CLNK: variants seen among roughly 807,000 people sequenced by gnomAD.
The protein encoded by CLNK is cytokine-dependent hematopoietic cell linker.
A neutral mutation model predicts 68.6 loss-of-function variants in CLNK; 74 were observed. The observed-to-expected ratio is 1.08, with a 90% CI of 0.89 to 1.31. The LOEUF (loss-of-function observed/expected upper bound fraction) is 1.31, where lower values mean the gene tolerates loss of function less well. Among genes scored for constraint, CLNK ranks in the 50% most tolerant of loss-of-function variants. The pLI is 0.00. For missense variants in CLNK, 553 were observed against 515.3 expected, an observed-to-expected ratio of 1.07 and a Z score of -0.71; for synonymous variants, 198 against 172.2, an observed-to-expected ratio of 1.15 and a Z score of -1.17.
intron 14 of CLNK, among the ~76,000 whole-genome samples, chr4:10,524,854 G>T (rs1718237227): frequency 6.6e-6 from 1 of 152,164 alleles, no homozygotes; most frequent in Non-Finnish European, 1.5e-5. Context: ...GTGTGTGCCA[G>T]TGCCATGCAT....
chr4:10,650,829 C>T (rs1183246130), intron 2 of CLNK, among the ~76,000 whole-genome samples: 2 of 151,756 alleles, frequency 1.3e-5, no homozygotes, highest in African/African-American at 4.8e-5. Flanking sequence ...CCAGAATCTA[C>T]AAGGAACTTA....
At chr4:10,584,509 G>T (rs1213371490) in intron 4 of CLNK, among the ~76,000 whole-genome samples, 1 of 152,216 alleles carries the variant, frequency 6.6e-6, no homozygotes, top group East Asian at 1.9e-4. Flanking sequence ...ATACAGGAGA[G>T]GCATCAAAGG....
chr4:10,701,050 T>C, the CLNK span, among the ~76,000 whole-genome samples: 1 of 131,742 alleles, frequency 7.6e-6, no homozygotes, highest in Admixed American at 7.4e-5. Context: ...TTTTGCTTAG[T>C]CAAATATCTC....
chr4:10,601,012 CT>C (rs1400870777), intron 2 of CLNK, among the ~76,000 whole-genome samples: 3 of 152,156 alleles, frequency 2.0e-5, no homozygotes, highest in African/African-American at 7.2e-5. Context: ...CAGCTTTGGC[CT>C]TTTTAACTTT....
chr4:10,513,645 G>T (rs372162774), intron 15 of CLNK, 48 bp from the exon 16 acceptor site: 406 of 1,543,186 alleles, frequency 2.6e-4, no homozygotes, highest in Non-Finnish European at 3.4e-4. Flanking sequence ...GACTGGTGCA[G>T]TCTGTCCCCC....
intron 8 of CLNK, among the ~76,000 whole-genome samples, chr4:10,548,696 G>A (rs571006695): frequency 7.2e-5 from 11 of 152,308 alleles, no homozygotes; most frequent in South Asian, 2.1e-4. Flanking sequence ...TGTGAGGAAC[G>A]TGGTCCTGCC....
intron 11 of CLNK, among the ~76,000 whole-genome samples, chr4:10,539,344 C>T (rs1718926776): frequency 6.6e-6 from 1 of 152,164 alleles, no homozygotes; most frequent in Non-Finnish European, 1.5e-5. Flanking sequence ...ACATTTTAGG[C>T]TATTTAATGT....
intron 2 of CLNK, chr4:10,598,715 A>G: frequency 2.3e-6 from 1 of 432,732 alleles, no homozygotes; most frequent in Non-Finnish European, 4.6e-6. Context: ...CATCATTGTT[A>G]TGCATTCCTA....
At chr4:10,592,131 C>T (rs1577152327) in intron 3 of CLNK, among the ~76,000 whole-genome samples, 3 of 152,254 alleles carry the variant, frequency 2.0e-5, no homozygotes, top group South Asian at 2.1e-4. Flanking sequence ...TAAATCTGGA[C>T]GATGACATAT....
At chr4:10,610,091 C>T (rs1389372075) in intron 2 of CLNK, among the ~76,000 whole-genome samples, 1 of 103,958 alleles carries the variant, frequency 9.6e-6, no homozygotes, top group Non-Finnish European at 1.7e-5. Flanking sequence ...GAGTCTCGTT[C>T]TGTCGCCCAG....
At chr4:10,670,181 A>T (rs4697775) in intron 1 of CLNK, among the ~76,000 whole-genome samples, 38,904 of 152,206 alleles carry the variant, frequency 0.26, 5,486 homozygotes, top group Non-Finnish European at 0.31. Context: ...ATATGCAATT[A>T]CTTGCATAGC....
chr4:10,607,629 C>A (rs1023167990), intron 2 of CLNK, among the ~76,000 whole-genome samples: 3 of 152,126 alleles, frequency 2.0e-5, no homozygotes, highest in Non-Finnish European at 4.4e-5. Context: ...GGAAATGGCT[C>A]AAATAGAAGA....
chr4:10,582,386 T>C (rs1196123667), intron 4 of CLNK, among the ~76,000 whole-genome samples: 1 of 152,230 alleles, frequency 6.6e-6, no homozygotes, highest in Non-Finnish European at 1.5e-5. Context: ...TAGAAAAACT[T>C]AAAAGTAGTA....
chr4:10,601,653 C>A (rs1004333812), intron 2 of CLNK, among the ~76,000 whole-genome samples: 1 of 152,186 alleles, frequency 6.6e-6, no homozygotes, highest in South Asian at 2.1e-4. Flanking sequence ...AGGAGATGCT[C>A]AAGGTTCCCA....
At chr4:10,614,570 A>G (rs984147144) in intron 2 of CLNK, among the ~76,000 whole-genome samples, 2 of 152,204 alleles carry the variant, frequency 1.3e-5, no homozygotes, top group African/African-American at 4.8e-5. Context: ...CCAGACCAGC[A>G]GCATCTCCCA....
intron 2 of CLNK, among the ~76,000 whole-genome samples, chr4:10,627,776 C>A (rs1279534709): frequency 1.3e-5 from 2 of 152,306 alleles, no homozygotes; most frequent in African/African-American, 4.8e-5. Context: ...GGGTTCCCCA[C>A]TCCCACCCCC....
chr4:10,499,216 C>T (rs1455385635), intron 18 of CLNK, among the ~76,000 whole-genome samples: 1 of 152,074 alleles, frequency 6.6e-6, no homozygotes, highest in African/African-American at 2.4e-5. Context: ...GATTGTAAGA[C>T]CTGACCCCAG....
chr4:10,570,462 A>C (rs1211839422), intron 5 of CLNK, among the ~76,000 whole-genome samples: 2 of 152,194 alleles, frequency 1.3e-5, no homozygotes, highest in African/African-American at 2.4e-5. Context: ...TTTATCTATT[A>C]ATGTATTATC....
chr4:10,705,895 T>C, the CLNK span, among the ~76,000 whole-genome samples: 4 of 152,236 alleles, frequency 2.6e-5, no homozygotes, highest in South Asian at 8.3e-4. Flanking sequence ...GGGAAAAGTG[T>C]AAGACACTGG....
Sources: gnomAD v4.1 joint callset for allele counts (sites outside exome capture counted in the v4.1 genomes callset) on GRCh38, gnomAD v4.1.1 for gene constraint, MANE v1.5 for transcripts, NCBI Gene and HGNC (gene_info 2026-07-23, HGNC 2026-07-21) for gene names.